Variants in FNDC1 observed in about 807,000 individuals in gnomAD.
FNDC1 encodes the protein fibronectin type III domain-containing protein 1.
A neutral mutation model predicts 168.0 loss-of-function variants in FNDC1; 96 were observed. The ratio of observed to expected loss-of-function variants is 0.57; its 90% CI spans 0.48 to 0.68. The LOEUF (loss-of-function observed/expected upper bound fraction) is 0.68, where lower values mean the gene tolerates loss of function less well. Ranked by LOEUF, FNDC1 falls within the 30% of genes least tolerant of loss-of-function variation. FNDC1 has a pLI of 0.00. For synonymous variants in FNDC1, 1,099 were observed against 1,025.9 expected (o/e 1.07, Z -1.36); for missense variants, 2,587 against 2,482.1 (o/e 1.04, Z -0.90).
At chr6:159,206,538 T>A (rs1049236075) in intron 4 of FNDC1, among the ~76,000 whole-genome samples, 2 of 152,176 alleles carry the variant, frequency 1.3e-5, no homozygotes, top group Non-Finnish European at 2.9e-5. Flanking sequence ...ATACCTGTGC[T>A]TGGTAGAGGA....
chr6:159,246,924 G>A lies in FNDC1; in HGVS notation c.4645G>A (p.Asp1549Asn). The change falls in exon 15 of 23, where the codon GAC becomes AAC. Residue 1549 changes from aspartate (D) to asparagine (N), a missense_variant. Physicochemically the swap from Asp to Asn is conservative, Grantham distance 23. Coordinates refer to ENST00000297267, the MANE Select transcript of FNDC1 (RefSeq NM_032532.3). The part of the protein sequence containing the change: ...EEDEFSGLET[D>N]TAVPTEEAYV... ...AGATGAGTTCTCAGGCTTGGAGACT[G>A]ACACTGCAGTACCTACGGAAGAGGC... 6.2e-7 allele frequency: 1 copy of A among 1,613,270 alleles called. No homozygotes were observed. The highest frequency in any genetic ancestry group is 8.5e-7 in the Non-Finnish European group (1 of 1,179,228).
intron 19 of FNDC1, among the ~76,000 whole-genome samples, chr6:159,262,435 T>C (rs898148524): frequency 6.6e-6 from 1 of 152,240 alleles, no homozygotes; most frequent in African/African-American, 2.4e-5. Context: ...TTTTCATCTG[T>C]TTGTTTAAGA....
At chr6:159,181,928 T>A (rs1781888464) in intron 1 of FNDC1, among the ~76,000 whole-genome samples, 1 of 152,210 alleles carries the variant, frequency 6.6e-6, no homozygotes, top group Admixed American at 6.5e-5. Flanking sequence ...TCCTGTAACA[T>A]GTGCCCTGGC....
At position 159,249,022 on chromosome 6, in the gene FNDC1, C is replaced by T. The variant is rs73799727; in HGVS notation, c.4691-17C>T. 6 of 1,584,964 alleles carry T rather than the reference C, an allele frequency of 3.8e-6. No homozygotes were observed. The highest frequency in any genetic ancestry group is 1.2e-5 in the South Asian group (1 of 86,126). On this transcript the variant is annotated splice_polypyrimidine_tract_variant and intron_variant, in intron 15 of 22. Coordinates refer to ENST00000297267, the MANE Select transcript of FNDC1 (RefSeq NM_032532.3). ...TTTCTGGCAGTGCCCAATTACAGAG[C>T]CTTCATATCATTTCAGATTATGAAT... is the stretch of plus-strand genomic sequence containing the variant.
intron 6 of FNDC1, among the ~76,000 whole-genome samples, chr6:159,222,922 G>A (rs555728637): frequency 2.5e-4 from 38 of 151,600 alleles, no homozygotes; most frequent in Admixed American, 9.2e-4. Context: ...CCTAGGCAAA[G>A]CATCCCCTTT....
At chr6:159,206,756 G>T (rs984972820) in intron 4 of FNDC1, among the ~76,000 whole-genome samples, 3 of 152,172 alleles carry the variant, frequency 2.0e-5, no homozygotes, top group Non-Finnish European at 2.9e-5. Context: ...CAAAAAAAAA[G>T]ATGTGTGCAT....
intron 19 of FNDC1, among the ~76,000 whole-genome samples, chr6:159,262,729 C>T (rs1282958204): frequency 6.6e-6 from 1 of 152,224 alleles, no homozygotes; most frequent in African/African-American, 2.4e-5. Flanking sequence ...TCTACCTTCT[C>T]CTCCAAGAAA....
chr6:159,180,118 G>C (rs186240331), intron 1 of FNDC1, among the ~76,000 whole-genome samples: 1 of 152,296 alleles, frequency 6.6e-6, no homozygotes, highest in African/African-American at 2.4e-5. Flanking sequence ...TCCGGAGCTG[G>C]AAGTCTGGAA....
chr6:159,232,327 C>A lies in FNDC1; in HGVS notation c.1815C>A (p.Ala605=), dbSNP rs748436495. The A allele has an allele frequency of 3.1e-6, 5 of 1,613,274 alleles. No homozygotes were observed. Among genetic ancestry groups the A allele is most frequent in the Non-Finnish European group, 3.4e-6 (4 of 1,179,654 alleles). The part of the protein sequence containing the change: ...EGVDKPGFSL[A]TQPRPGAPPS... ...TAGATAAGCCTGGCTTTTCCCTGGC[C>A]ACGCAGCCCCGCCCAGGGGCGCCCC... Residue 605 remains alanine (A), a synonymous_variant, in exon 11 of 23, where the codon GCC becomes GCA. Coordinates refer to ENST00000297267, the MANE Select transcript of FNDC1 (RefSeq NM_032532.3). The surrounding 1 kb of genome is among the most constrained non-coding windows in gnomAD (Gnocchi z 4.9).
rs776839282 is a variant in FNDC1 at position 159,226,589 on chromosome 6, C to T, written c.1180+9C>T. Reference sequence around the variant, plus strand: ...TGAGGGGAAAGTGAAAGGTAGGAATCTCACTCCCTAAACTGTAAGATGCAT... The same window carrying T: ...TGAGGGGAAAGTGAAAGGTAGGAATTTCACTCCCTAAACTGTAAGATGCAT... On this transcript the variant is annotated intron_variant, in intron 9 of 22. Coordinates refer to ENST00000297267, the MANE Select transcript of FNDC1 (RefSeq NM_032532.3). The T allele has an allele frequency of 6.3e-7, 1 of 1,583,500 alleles. No homozygotes were observed. Among genetic ancestry groups the T allele is most frequent in the East Asian group, 2.3e-5 (1 of 44,132 alleles).
chr6:159,237,485 T>G (rs1009267463), intron 12 of FNDC1, among the ~76,000 whole-genome samples: 3 of 152,238 alleles, frequency 2.0e-5, no homozygotes, highest in Non-Finnish European at 4.4e-5. Context: ...GAGATAATTA[T>G]AGCTTTCTTC....
intron 5 of FNDC1, among the ~76,000 whole-genome samples, chr6:159,215,824 G>T (rs1396223172): frequency 6.6e-6 from 1 of 152,160 alleles, no homozygotes; most frequent in Non-Finnish European, 1.5e-5. Context: ...TTTTCTGCCT[G>T]TTTATATTCT....
intron 2 of FNDC1, among the ~76,000 whole-genome samples, chr6:159,198,756 G>C (rs760571502): frequency 2.1e-4 from 32 of 152,248 alleles, no homozygotes; most frequent in Non-Finnish European, 3.4e-4. Context: ...TGAGTTAACT[G>C]TATGGGTATC....
intron 20 of FNDC1, among the ~76,000 whole-genome samples, chr6:159,265,341 C>A (rs534694887): frequency 6.6e-6 from 1 of 152,136 alleles, no homozygotes; most frequent in Non-Finnish European, 1.5e-5. Context: ...GCAAGTTTTA[C>A]GTTGTTTTTC....
intron 18 of FNDC1, among the ~76,000 whole-genome samples, chr6:159,259,100 A>G (rs1777429356): frequency 1.3e-5 from 2 of 152,212 alleles, no homozygotes; most frequent in South Asian, 4.1e-4. Context: ...GAGGCTGTTC[A>G]AAAGAAGGTG....
At chr6:159,235,289 G>A (rs1273751124) in intron 11 of FNDC1, among the ~76,000 whole-genome samples, 1 of 149,030 alleles carries the variant, frequency 6.7e-6, no homozygotes, top group Admixed American at 6.9e-5. Context: ...TGTAATTGGG[G>A]CTTTATAGAA....
intron 14 of FNDC1, among the ~76,000 whole-genome samples, chr6:159,241,316 G>A (rs375626518): frequency 7.2e-5 from 11 of 152,054 alleles, no homozygotes; most frequent in South Asian, 2.1e-4. Flanking sequence ...TTTTAATTAC[G>A]GCTGCTATTA....
Position 159,215,142 on chromosome 6 carries a change from A to C in FNDC1, c.658A>C (p.Lys220Gln). Residue 220 changes from lysine (K) to glutamine (Q), a missense_variant, in exon 5 of 23, where the codon AAA becomes CAA. Transcript: ENST00000297267. ...LTRDERTHEI[K>Q]KLASESVYVV... ...AAGAGATGAACGGACACACGAAATT[A>C]AAAAGCTAGGTGAGTTTCATATTCA... The C allele has an allele frequency of 6.2e-7, 1 of 1,613,634 alleles. No homozygotes were observed. Among genetic ancestry groups the C allele is most frequent in the African/African-American group, 1.3e-5 (1 of 75,056 alleles).
In FNDC1 at chr6:159,169,783, C is replaced by G; in HGVS notation, c.109+78C>G. 2.0e-6 allele frequency: 1 copy of G among 498,062 alleles called. No individual in the cohort carries two copies. Among genetic ancestry groups the G allele is most frequent in the East Asian group, 6.4e-5 (1 of 15,626 alleles). The allele number at this position is 498,062 out of a possible 1,614,324, so 30.9% of individuals were successfully genotyped here. ...TGCGCTCGGGCCCCGTCGTCCCGCT[C>G]AGTGCTGGCTACGGGTCGTGTCACT... On this transcript the variant is annotated intron_variant, in intron 1 of 22. Coordinates refer to ENST00000297267, the MANE Select transcript of FNDC1 (RefSeq NM_032532.3). The surrounding 1 kb of genome is among the most constrained non-coding windows in gnomAD (Gnocchi z 6.8).
Sources: allele counts gnomAD v4.1 joint callset (sites outside exome capture counted in the v4.1 genomes callset), GRCh38; gene constraint gnomAD v4.1.1; non-coding constraint Gnocchi (gnomAD v3.1); transcripts MANE v1.5; gene names NCBI Gene and HGNC (gene_info 2026-07-23, HGNC 2026-07-21).